The following DTNBP1 variants were observed in gnomAD, a reference collection of about 807,000 sequenced individuals.
DTNBP1 encodes dysbindin.
In DTNBP1, 35 loss-of-function variants were observed where a neutral mutation model predicts 42.8. The ratio of observed to expected loss-of-function variants is 0.82; its 90% CI spans 0.63 to 1.09. DTNBP1 has a LOEUF of 1.09. Among genes scored for constraint, DTNBP1 ranks in the 50% least tolerant of loss-of-function variants. The pLI, the probability that DTNBP1 is intolerant of heterozygous loss-of-function variation, is 0.00. For synonymous variants in DTNBP1, 171 were observed against 162.2 expected, an observed-to-expected ratio of 1.05 and a Z score of -0.41; for missense variants, 457 against 424.2, an observed-to-expected ratio of 1.08 and a Z score of -0.68.
At chr6:15,651,484 A>G (rs1212344965) in intron 2 of DTNBP1, 121 bp from the exon 3 acceptor site, 1 of 1,330,730 alleles carries the variant, frequency 7.5e-7, no homozygotes, top group Non-Finnish European at 1.1e-6. Context: ...ACTAATGACA[A>G]TTATTAAACT....
intron 7 of DTNBP1, among the ~76,000 whole-genome samples, chr6:15,574,136 T>C (rs961485123): frequency 6.6e-6 from 1 of 152,230 alleles, no homozygotes; most frequent in African/African-American, 2.4e-5. Flanking sequence ...GTGGATTCTC[T>C]GCATCACCAC....
chr6:15,584,965 T>TTA (rs1172550308), intron 7 of DTNBP1, among the ~76,000 whole-genome samples: 36 of 145,780 alleles, frequency 2.5e-4, no homozygotes, highest in South Asian at 8.6e-4. Flanking sequence ...ATATATGTAT[T>TTA]TATATATATA....
chr6:15,660,234 A>G (rs906463847), intron 1 of DTNBP1: 1 of 709,352 alleles, frequency 1.4e-6, no homozygotes, highest in Non-Finnish European at 2.1e-6. Flanking sequence ...TGAATTCCAC[A>G]TTACCAACAT....
chr6:15,530,300 T>A (rs1772728616), intron 8 of DTNBP1, among the ~76,000 whole-genome samples: 1 of 152,180 alleles, frequency 6.6e-6, no homozygotes, highest in African/African-American at 2.4e-5. Flanking sequence ...CCGATTCCCG[T>A]GTGTGGCTGT....
At chr6:15,641,751 C>T (rs1333128522) in intron 3 of DTNBP1, among the ~76,000 whole-genome samples, 4 of 152,152 alleles carry the variant, frequency 2.6e-5, no homozygotes, top group African/African-American at 7.2e-5. Context: ...TCACAGACCA[C>T]TCTAACTTTG....
chr6:15,630,168 T>G (rs1251233020), intron 4 of DTNBP1, among the ~76,000 whole-genome samples: 1 of 152,184 alleles, frequency 6.6e-6, no homozygotes, highest in African/African-American at 2.4e-5. Flanking sequence ...ACCAATGATG[T>G]AGAATAGGAT....
chr6:15,657,323 T>C (rs981051659), intron 1 of DTNBP1, among the ~76,000 whole-genome samples: 2 of 152,238 alleles, frequency 1.3e-5, no homozygotes, highest in Non-Finnish European at 2.9e-5. Context: ...TTAAATTCTT[T>C]AATGCTGGTA....
intron 7 of DTNBP1, among the ~76,000 whole-genome samples, chr6:15,592,401 C>T (rs907769656): frequency 1.6e-4 from 24 of 152,122 alleles, no homozygotes; most frequent in African/African-American, 5.6e-4. Context: ...ACTGGAAGAA[C>T]CTTGAGCTGC....
At chr6:15,561,465 A>G (rs1228205042) in intron 7 of DTNBP1, among the ~76,000 whole-genome samples, 13 of 152,366 alleles carry the variant, frequency 8.5e-5, no homozygotes, top group Admixed American at 7.8e-4. Flanking sequence ...TCAGAACTCA[A>G]GAGTTATGAA....
chr6:15,648,618 A>G (rs1760816990), intron 3 of DTNBP1, among the ~76,000 whole-genome samples: 1 of 152,060 alleles, frequency 6.6e-6, no homozygotes, highest in African/African-American at 2.4e-5. Flanking sequence ...AATTCAAAAA[A>G]AGCAATTAAG....
intron 2 of DTNBP1, 73 bp downstream of exon 2, chr6:15,652,014 C>T: frequency 7.6e-7 from 1 of 1,321,542 alleles, no homozygotes. Flanking sequence ...AATATAACTA[C>T]ACAATTGTGA....
At position 15,652,081 on chromosome 6, in the gene DTNBP1, G is replaced by T. The variant is rs767525679; in HGVS notation, c.110+6C>A. 1 of 1,612,268 alleles carries T rather than the reference G, an allele frequency of 6.2e-7. No homozygotes were observed. Among genetic ancestry groups the T allele is most frequent in the East Asian group, 2.2e-5 (1 of 44,778 alleles). On this transcript the variant is annotated splice_donor_region_variant and intron_variant, in intron 2 of 9. Coordinates refer to ENST00000344537, the MANE Select transcript of DTNBP1 (RefSeq NM_032122.5). ...CAGTTAAGTTAAAATCTTAGCACAAGCTTACCTGGGTTTGCTTTTCACTTT... is the reference window on the plus strand; with the variant it reads ...CAGTTAAGTTAAAATCTTAGCACAATCTTACCTGGGTTTGCTTTTCACTTT...
Position 15,594,589 on chromosome 6 carries a change from C to T in DTNBP1, c.489-1508G>A, listed in dbSNP as rs193249557. ...AGGTACAAGCTAAATATGCCTAAAA[C>T]CTGCTTTATACCCCGATAATAAAAA... On this transcript the variant is annotated intron_variant, in intron 6 of 9. Coordinates refer to ENST00000344537, the MANE Select transcript of DTNBP1 (RefSeq NM_032122.5). Among the ~76,000 whole-genome samples the T allele has an allele frequency of 2.6e-5, 4 of 151,984 alleles. No homozygotes were observed. In the East Asian group the frequency reaches 5.8e-4, roughly 22 times the overall value.
In DTNBP1 at chr6:15,573,479, A is replaced by G. The variant is rs1388233049; in HGVS notation, c.511+19580T>C. ...AACAATACTAACTTTAACAACAGGA[A>G]CAGAGGCTCCCAGCACTATTTTAAA... On this transcript the variant is annotated intron_variant, in intron 7 of 9. Transcript: ENST00000344537. Among the ~76,000 whole-genome samples, 4 of 152,316 alleles carry G rather than the reference A, an allele frequency of 2.6e-5. No homozygotes were observed. In the East Asian group the frequency reaches 7.7e-4, roughly 29 times the overall value.
At chr6:15,564,981 C>T (rs538187424) in intron 7 of DTNBP1, among the ~76,000 whole-genome samples, 2 of 152,182 alleles carry the variant, frequency 1.3e-5, no homozygotes, top group Non-Finnish European at 2.9e-5. Flanking sequence ...TTGTGTGTTC[C>T]TGTAGTCCTA....
chr6:15,566,272 G>A (rs1052751110), intron 7 of DTNBP1, among the ~76,000 whole-genome samples: 9 of 138,198 alleles, frequency 6.5e-5, no homozygotes, highest in South Asian at 2.3e-4. Flanking sequence ...CCGAGATCCC[G>A]CCACTGCACT....
chr6:15,645,466 C>T (rs1372807915), intron 3 of DTNBP1, among the ~76,000 whole-genome samples: 1 of 151,914 alleles, frequency 6.6e-6, no homozygotes, highest in Non-Finnish European at 1.5e-5. Context: ...GATTCCAAAA[C>T]CTAGCAATGA....
chr6:15,538,174 G>A (rs1391514157), intron 7 of DTNBP1, among the ~76,000 whole-genome samples: 2 of 152,178 alleles, frequency 1.3e-5, no homozygotes, highest in Non-Finnish European at 2.9e-5. Context: ...ACATCTGGGT[G>A]AGCCTGGCCT....
intron 8 of DTNBP1, among the ~76,000 whole-genome samples, chr6:15,527,218 G>A (rs1439908525): frequency 3.9e-5 from 6 of 152,048 alleles, no homozygotes; most frequent in East Asian, 1.9e-4. Context: ...TTTTGGTTAC[G>A]TTTTTAAAGT....
Sources: allele counts gnomAD v4.1 joint callset (sites outside exome capture counted in the v4.1 genomes callset), GRCh38; gene constraint gnomAD v4.1.1; transcripts MANE v1.5; gene names NCBI Gene and HGNC (gene_info 2026-07-23, HGNC 2026-07-21).